EXD3: variants seen among roughly 807,000 people sequenced by gnomAD.
The protein encoded by EXD3 is exonuclease mut-7 homolog.
In EXD3, 92 loss-of-function variants were observed where a neutral mutation model predicts 98.0. The ratio of observed to expected loss-of-function variants is 0.94; its 90% CI spans 0.79 to 1.12. The LOEUF (loss-of-function observed/expected upper bound fraction) is 1.12. Ranked by LOEUF, EXD3 falls within the 50% of genes most tolerant of loss-of-function variation. EXD3 has a pLI of 0.00. For missense variants in EXD3, 1,222 were observed against 1,191.6 expected (o/e 1.03, Z -0.38); for synonymous variants, 569 against 526.0 (o/e 1.08, Z -1.12).
chr9:137,414,572 G>A (rs1391669609), intron 1 of EXD3, among the ~76,000 whole-genome samples: 3 of 152,182 alleles, frequency 2.0e-5, no homozygotes, highest in South Asian at 4.1e-4. Flanking sequence ...CGCTAGCATC[G>A]ATAACACACG....
intron 1 of EXD3, among the ~76,000 whole-genome samples, chr9:137,410,130 C>T (rs538316766): frequency 1.4e-4 from 21 of 151,604 alleles, no homozygotes; most frequent in Admixed American, 1.2e-3. Flanking sequence ...GAGCCGAGAC[C>T]GTGCCACTAC....
Position 137,370,271 on chromosome 9 carries a change from T to C in EXD3, c.463-2282A>G, listed in dbSNP as rs151325711. 3.0e-4 allele frequency among the ~76,000 whole-genome samples: 46 copies of C among 152,302 alleles called. 1 individual carries two copies. The East Asian group carries it at 8.9e-3, about 29-fold the overall frequency. On this transcript the variant is annotated intron_variant, in intron 5 of 21. Transcript: ENST00000340951. ...CTGGTCATTTCTGTCTGAACTTCCC[T>C]GAGAGGACGGTGTACAGCTGCCCAC... is the stretch of plus-strand genomic sequence containing the variant.
At chr9:137,314,736 T>C (rs1265764417) in intron 19 of EXD3, among the ~76,000 whole-genome samples, 2 of 152,036 alleles carry the variant, frequency 1.3e-5, no homozygotes, top group African/African-American at 4.8e-5. Flanking sequence ...GGGATGGGCC[T>C]CGGGCAGCGT....
chr9:137,318,803 A>G (rs1588234069), intron 19 of EXD3, among the ~76,000 whole-genome samples: 1 of 152,186 alleles, frequency 6.6e-6, no homozygotes, highest in East Asian at 1.9e-4. Flanking sequence ...CAGGAGTCCC[A>G]CCGCCTGGGG....
In EXD3 at chr9:137,349,725, G is replaced by A. The variant is rs1260607558; in HGVS notation, c.1495-194C>T. ...TCCACGTGGGGGTCCCAGGCTGCAGGCACTGCACACCAGGGCCAGCTCCGG... is the reference window on the plus strand; with the variant it reads ...TCCACGTGGGGGTCCCAGGCTGCAGACACTGCACACCAGGGCCAGCTCCGG... On this transcript the variant is annotated intron_variant, in intron 14 of 21. Coordinates refer to ENST00000340951, the MANE Select transcript of EXD3 (RefSeq NM_017820.5). The surrounding 1 kb of genome is among the most constrained non-coding windows in gnomAD (Gnocchi z 7.4). 6.6e-6 allele frequency among the ~76,000 whole-genome samples: 1 copy of A among 152,010 alleles called. No homozygotes were observed. The highest frequency in any genetic ancestry group is 1.5e-5 in the Non-Finnish European group (1 of 67,986).
chr9:137,347,632 C>G lies in EXD3; in HGVS notation c.1998+439G>C, dbSNP rs539066799. Reference sequence around the variant, plus strand: ...CTAATTTTTCTATTTTTGGTACAGACGGGGTTTCACCATATTGGTCAGGCT... The same window carrying G: ...CTAATTTTTCTATTTTTGGTACAGAGGGGGTTTCACCATATTGGTCAGGCT... On this transcript the variant is annotated intron_variant, in intron 17 of 21. Coordinates refer to ENST00000340951, the MANE Select transcript of EXD3 (RefSeq NM_017820.5). This position sits in a 1 kb window ranked among gnomAD's most constrained non-coding sequence, Gnocchi z 4.2. Among the ~76,000 whole-genome samples the G allele has an allele frequency of 6.6e-6, 1 of 151,900 alleles. No homozygotes were observed. The highest frequency in any genetic ancestry group is 2.4e-5 in the African/African-American group (1 of 41,346).
At chr9:137,420,170 A>G (rs186870128) in intron 1 of EXD3, among the ~76,000 whole-genome samples, 3 of 148,768 alleles carry the variant, frequency 2.0e-5, no homozygotes, top group Non-Finnish European at 4.5e-5. Flanking sequence ...AAAAAAAAAC[A>G]AAAAAAACCC....
At chr9:137,366,006 A>C (rs948121699) in intron 7 of EXD3, 3 of 598,860 alleles carry the variant, frequency 5.0e-6, no homozygotes, top group South Asian at 3.1e-5. Flanking sequence ...GCAGGCACAC[A>C]TGCACATGGG....
At chr9:137,364,127 C>T (rs1288024302) in intron 7 of EXD3, among the ~76,000 whole-genome samples, 2 of 152,098 alleles carry the variant, frequency 1.3e-5, no homozygotes, top group Non-Finnish European at 2.9e-5. Flanking sequence ...ACTGTGGACT[C>T]GTGGACTTTT....
rs11507687 is a variant in EXD3 at position 137,395,309 on chromosome 9, G to A, written c.49C>T (p.Arg17Cys). The change falls in exon 2 of 22, where the codon CGC becomes TGC. Residue 17 changes from arginine (R) to cysteine (C), a missense_variant. Coordinates refer to ENST00000340951, the MANE Select transcript of EXD3 (RefSeq NM_017820.5). The surrounding 1 kb of genome is among the most constrained non-coding windows in gnomAD (Gnocchi z 6.5). ...CCATCAGGCTCAGACTCACCCATGC[G>A]GTGGCGCTCGCCAGCGGCAGGGTCA... is the stretch of plus-strand genomic sequence containing the variant. ...AGDPAAGERH[R>C]MGRDPLLLLQ... 3,528 of 1,613,368 alleles carry A rather than the reference G, an allele frequency of 2.2e-3. 63 individuals are homozygous for A. In the African/African-American group the frequency reaches 0.039, roughly 18 times the overall value.
intron 17 of EXD3, among the ~76,000 whole-genome samples, chr9:137,331,329 CCT>C (rs1833053647): frequency 6.6e-6 from 1 of 151,998 alleles, no homozygotes; most frequent in Non-Finnish European, 1.5e-5. Context: ...AAACAGTCCC[CCT>C]GAGAACTGCA....
rs1205612025 is a variant in EXD3, at chr9:137,347,304, C to G, written c.1998+767G>C. Among the ~76,000 whole-genome samples the G allele has an allele frequency of 6.6e-6, 1 of 152,170 alleles. No individual in the cohort carries two copies. ...GGAAGAACCTGCTTCTGGGCTTGGT[C>G]AGGTGTTGGCAGAATCTGGCTGCTT... On this transcript the variant is annotated intron_variant, in intron 17 of 21. Coordinates refer to ENST00000340951, the MANE Select transcript of EXD3 (RefSeq NM_017820.5). The surrounding 1 kb of genome is among the most constrained non-coding windows in gnomAD (Gnocchi z 4.2).
intron 10 of EXD3, 66 bp from the exon 11 acceptor site, chr9:137,352,852 G>A: frequency 6.6e-7 from 1 of 1,519,090 alleles, no homozygotes; most frequent in Non-Finnish European, 8.8e-7. Context: ...CCTGCCCCGA[G>A]GGACCCCCGT....
Position 137,385,471 on chromosome 9 carries a change from T to C in EXD3, c.56-2094A>G, listed in dbSNP as rs1306239320. Among the ~76,000 whole-genome samples the C allele has an allele frequency of 1.3e-5, 2 of 152,232 alleles. No homozygotes were observed. Among genetic ancestry groups the C allele is most frequent in the Non-Finnish European group, 2.9e-5 (2 of 68,050 alleles). On this transcript the variant is annotated intron_variant, in intron 2 of 21. Transcript: ENST00000340951. The surrounding 1 kb of genome is among the most constrained non-coding windows in gnomAD (Gnocchi z 4.4). ...TCATGTGCCGAGCCGCATCATGTGC[T>C]CTGCGTTCCTTCCTACACATGGGTT...
intron 7 of EXD3, among the ~76,000 whole-genome samples, chr9:137,358,240 T>C (rs1432544332): frequency 2.0e-5 from 3 of 152,210 alleles, no homozygotes; most frequent in African/African-American, 7.2e-5. Context: ...ACCACCTCCC[T>C]GTGTGCACGG....
rs561514253 is a variant in EXD3 at position 137,308,157 on chromosome 9, G to T, written c.2279-511C>A. On this transcript the variant is annotated intron_variant, in intron 20 of 21. Transcript: ENST00000340951. ...TTGAGAGCCCAGGGCAGGCAGGGCC[G>T]GTATCCACTCAGGGGTCACTGTGGG... Among the ~76,000 whole-genome samples, 38 of 152,250 alleles carry T rather than the reference G, an allele frequency of 2.5e-4. 1 individual carries two copies. In the South Asian group the frequency reaches 7.7e-3, roughly 31 times the overall value.
At chr9:137,352,855 A>T in intron 10 of EXD3, 69 bp from the exon 11 acceptor site, 1 of 1,498,054 alleles carries the variant, frequency 6.7e-7, no homozygotes, top group South Asian at 1.3e-5. Flanking sequence ...GCCCCGAGGG[A>T]CCCCCGTAGA....
intron 19 of EXD3, among the ~76,000 whole-genome samples, chr9:137,315,928 C>G (rs560080288): frequency 6.6e-6 from 1 of 151,372 alleles, no homozygotes. Flanking sequence ...GGGGCGCCCC[C>G]ACACCGTCCC....
intron 2 of EXD3, chr9:137,392,341 G>A (rs1384474204): frequency 3.2e-5 from 5 of 156,826 alleles, no homozygotes; most frequent in Admixed American, 3.1e-4. Flanking sequence ...CTCCTCCAAT[G>A]ACCTGGACCA....
Sources: gnomAD v4.1 joint callset for allele counts (sites outside exome capture counted in the v4.1 genomes callset) on GRCh38, gnomAD v4.1.1 for gene constraint, Gnocchi (gnomAD v3.1) non-coding constraint, MANE v1.5 for transcripts, NCBI Gene and HGNC (gene_info 2026-07-23, HGNC 2026-07-21) for gene names.